Variants in DPY19L1 observed in about 807,000 individuals in gnomAD.
DPY19L1 encodes protein C-mannosyl-transferase DPY19L1.
DPY19L1 carries 35 observed loss-of-function variants against 96.9 expected under a neutral mutation model. The observed-to-expected ratio is 0.36, with a 90% CI of 0.28 to 0.48. The LOEUF is 0.48. Among genes scored for constraint, DPY19L1 ranks in the 20% least tolerant of loss-of-function variants. DPY19L1 has a pLI of 0.99. For missense variants in DPY19L1, 521 were observed against 777.9 expected (o/e 0.67, Z 3.93); for synonymous variants, 205 against 252.6 (o/e 0.81, Z 1.79).
At chr7:34,993,362 G>A (rs553453356) in intron 6 of DPY19L1, among the ~76,000 whole-genome samples, 68 of 151,928 alleles carry the variant, frequency 4.5e-4, no homozygotes, top group African/African-American at 1.6e-3. Flanking sequence ...TTTTACCAGC[G>A]AAATGAAATT....
intron 3 of DPY19L1, among the ~76,000 whole-genome samples, chr7:35,016,748 C>T (rs567586683): frequency 6.6e-6 from 1 of 152,192 alleles, no homozygotes; most frequent in South Asian, 2.1e-4. Context: ...AGTATTCCTG[C>T]CAGAAAATAA....
chr7:34,931,324 T>A lies in DPY19L1; in HGVS notation c.*249A>T, dbSNP rs1037088398. ...AGCTTTGCTCACTTTAGCACAAATATTAAAGTCAAGTACAAGCATATACTC... is the reference window on the plus strand; with the variant it reads ...AGCTTTGCTCACTTTAGCACAAATAATAAAGTCAAGTACAAGCATATACTC... On this transcript the variant is annotated 3_prime_UTR_variant, in exon 22 of 22. Transcript: ENST00000638088. 10 of 332,980 alleles carry A rather than the reference T, an allele frequency of 3.0e-5. No homozygotes were observed. The highest frequency in any genetic ancestry group is 2.4e-4 in the Admixed American group (5 of 20,592). The allele number at this position is 332,980 out of a possible 1,614,324, so 20.6% of individuals were successfully genotyped here.
chr7:35,037,039 AG>A lies in DPY19L1; in HGVS notation c.298+57del, dbSNP rs1237501571. On this transcript the variant is annotated intron_variant, in intron 1 of 21. Transcript: ENST00000638088. ...AAGGAAGGGGAGGGGAGGGGAGGGG[AG>A]GGGGCCAGCGCCTCAAAGTTCCGCG... 6.8e-5 allele frequency: 5 copies of A among 73,958 alleles called. No homozygotes were observed. The East Asian group carries it at 1.7e-3, about 25-fold the overall frequency. 4.6% of individuals were successfully genotyped at this position (73,958 alleles called of 1,614,324 possible).
intron 19 of DPY19L1, 26 bp downstream of exon 19, chr7:34,940,124 GACT>G (rs1562799205): frequency 3.4e-6 from 5 of 1,453,462 alleles, no homozygotes; most frequent in Non-Finnish European, 4.5e-6. Flanking sequence ...TAAATAATAT[GACT>G]TTTTTTTTCT....
At chr7:35,027,607 A>G (rs1393285920) in intron 1 of DPY19L1, among the ~76,000 whole-genome samples, 1 of 148,794 alleles carries the variant, frequency 6.7e-6, no homozygotes, top group Non-Finnish European at 1.5e-5. Flanking sequence ...AGGCGGGTGG[A>G]TCACCTGAGG....
At chr7:34,999,108 T>C (rs1451293362) in intron 6 of DPY19L1, among the ~76,000 whole-genome samples, 2 of 152,202 alleles carry the variant, frequency 1.3e-5, no homozygotes, top group South Asian at 2.1e-4. Flanking sequence ...AGAAAGTAAG[T>C]GCCCAGATAG....
At chr7:34,979,138 C>A (rs1784888322) in intron 7 of DPY19L1, among the ~76,000 whole-genome samples, 1 of 152,052 alleles carries the variant, frequency 6.6e-6, no homozygotes. Flanking sequence ...TTACAAAAAA[C>A]CTTTGTGAAA....
At chr7:34,977,686 A>T (rs111892759) in intron 7 of DPY19L1, among the ~76,000 whole-genome samples, 35 of 152,356 alleles carry the variant, frequency 2.3e-4, no homozygotes, top group African/African-American at 8.4e-4. Context: ...TTACGTTTCA[A>T]CAAAATAAAT....
intron 8 of DPY19L1, among the ~76,000 whole-genome samples, chr7:34,972,760 G>C (rs1340920346): frequency 6.6e-6 from 1 of 152,166 alleles, no homozygotes; most frequent in African/African-American, 2.4e-5. Flanking sequence ...GAGTTTAGGG[G>C]ACAGCAATAA....
intron 1 of DPY19L1, among the ~76,000 whole-genome samples, chr7:35,020,639 T>C (rs1785974123): frequency 6.6e-6 from 1 of 152,216 alleles, no homozygotes; most frequent in African/African-American, 2.4e-5. Context: ...TGCAATGTAT[T>C]TATTTTTGGT....
intron 6 of DPY19L1, among the ~76,000 whole-genome samples, chr7:34,992,714 T>C (rs562312256): frequency 1.3e-5 from 2 of 152,192 alleles, no homozygotes; most frequent in South Asian, 4.1e-4. Context: ...TCGTAGTTAA[T>C]AACCCCTGTT....
intron 21 of DPY19L1, among the ~76,000 whole-genome samples, chr7:34,937,032 T>G (rs1465391450): frequency 6.6e-6 from 1 of 152,242 alleles, no homozygotes; most frequent in Non-Finnish European, 1.5e-5. Flanking sequence ...GTTCCTGTAC[T>G]GTGCTCTTCA....
chr7:34,957,924 GAAA>G, intron 11 of DPY19L1, 57 bp downstream of exon 11: 1 of 1,151,462 alleles, frequency 8.7e-7, no homozygotes. Context: ...AGCCAGTGAA[GAAA>G]AAATTGTTAA....
chr7:34,937,875 T>C, intron 21 of DPY19L1, 119 bp downstream of exon 21: 1 of 1,078,762 alleles, frequency 9.3e-7, no homozygotes, highest in Non-Finnish European at 1.3e-6. Context: ...AAAGAAGAAG[T>C]TTTTCCATGT....
In DPY19L1 at chr7:34,986,361, C is replaced by T. The variant is rs1405187593; in HGVS notation, c.822+3523G>A. On this transcript the variant is annotated intron_variant, in intron 7 of 21. Coordinates refer to ENST00000638088, the MANE Select transcript of DPY19L1 (RefSeq NM_001366673.1). ...GATATGTTAACTTGCTTGATTGACT[C>T]TTTCTACAATGTATACATAAATCAA... Among the ~76,000 whole-genome samples the T allele has an allele frequency of 4.6e-5, 7 of 152,158 alleles. 1 individual carries two copies. The highest frequency in any genetic ancestry group is 8.8e-5 in the Non-Finnish European group (6 of 67,912).
intron 6 of DPY19L1, among the ~76,000 whole-genome samples, chr7:34,991,941 C>T (rs1019595371): frequency 2.6e-5 from 4 of 152,130 alleles, no homozygotes; most frequent in East Asian, 1.9e-4. Context: ...TCCATATTAC[C>T]GGGCATATAA....
At position 35,013,716 on chromosome 7, in the gene DPY19L1, G is replaced by A. The variant is rs749114132; in HGVS notation, c.412-11C>T. On this transcript the variant is annotated splice_polypyrimidine_tract_variant and intron_variant, in intron 3 of 21. Transcript: ENST00000638088. ...GGAATAATATAGTCCCTGAAATAAA[G>A]ATATGCTCAATTAAAATAACAAAAG... is the stretch of plus-strand genomic sequence containing the variant. 23 of 1,572,280 alleles carry A rather than the reference G, an allele frequency of 1.5e-5. No homozygotes were observed. In the South Asian group the frequency reaches 2.7e-4, roughly 19 times the overall value.
At chr7:35,006,530 T>C (rs990495732) in intron 6 of DPY19L1, among the ~76,000 whole-genome samples, 12 of 152,194 alleles carry the variant, frequency 7.9e-5, no homozygotes, top group Admixed American at 4.6e-4. Flanking sequence ...CTTAAGAAAC[T>C]GGCCTTCAGA....
At position 34,963,193 on chromosome 7, in the gene DPY19L1, C is replaced by CAAA. The variant is rs58387078; in HGVS notation, c.1092+3698_1092+3700dup. The stretch of plus-strand genomic sequence containing the variant: ...CTGGGCGACAGAGCGAGATCTGTCT[C>CAAA]AAAAAAAAAAAAAAAAAAAAAAAAA... On this transcript the variant is annotated intron_variant, in intron 10 of 21. Coordinates refer to ENST00000638088, the MANE Select transcript of DPY19L1 (RefSeq NM_001366673.1). Among the ~76,000 whole-genome samples the CAAA allele has an allele frequency of 5.8e-4, 46 of 78,790 alleles. 1 individual carries two copies. Among genetic ancestry groups the CAAA allele is most frequent in the East Asian group, 1.0e-3 (2 of 1,940 alleles). The allele number at this position is 78,790 out of a possible 152,430, so 51.7% of individuals were successfully genotyped here.
Sources: gnomAD v4.1 joint callset for allele counts (sites outside exome capture counted in the v4.1 genomes callset) on GRCh38, gnomAD v4.1.1 for gene constraint, MANE v1.5 for transcripts, NCBI Gene and HGNC (gene_info 2026-07-23, HGNC 2026-07-21) for gene names.